Variants in ANKH observed in about 807,000 individuals in gnomAD.
The protein encoded by ANKH is mineralization regulator ANKH.
A neutral mutation model predicts 49.0 loss-of-function variants in ANKH; 15 were observed. The observed-to-expected ratio is 0.31, with a 90% CI of 0.20 to 0.47. The LOEUF is 0.47. Among genes scored for constraint, ANKH ranks in the 20% least tolerant of loss-of-function variants. ANKH has a pLI of 1.00. For missense variants in ANKH, 429 were observed against 652.0 expected (o/e 0.66, Z 3.72); for synonymous variants, 273 against 260.0 (o/e 1.05, Z -0.48).
At chr5:14,718,414 GAA>G (rs941286754) in intron 8 of ANKH, among the ~76,000 whole-genome samples, 2 of 151,130 alleles carry the variant, frequency 1.3e-5, no homozygotes. Context: ...AGATAATACA[GAA>G]AGAGAGAAGG....
intron 1 of ANKH, among the ~76,000 whole-genome samples, chr5:14,773,353 CTTTTTTTT>C (rs71603741): frequency 7.7e-4 from 59 of 77,002 alleles, no homozygotes; most frequent in Admixed American, 3.8e-3. Flanking sequence ...GCAAAGCATT[CTTTTTTTT>C]TTTTTTTTTT....
chr5:14,797,700 G>A, intron 1 of ANKH: 2 of 1,600,750 alleles, frequency 1.2e-6, no homozygotes, highest in Admixed American at 1.7e-5. Flanking sequence ...TAGATGCCAG[G>A]AAACATCTTC....
chr5:14,723,880 C>T (rs572741797), intron 8 of ANKH, among the ~76,000 whole-genome samples: 1 of 152,280 alleles, frequency 6.6e-6, no homozygotes, highest in South Asian at 2.1e-4. Flanking sequence ...TCATATTAAC[C>T]TCTTTAGAAA....
At chr5:14,803,735 G>C (rs141743865) in intron 1 of ANKH, among the ~76,000 whole-genome samples, 9 of 152,278 alleles carry the variant, frequency 5.9e-5, no homozygotes, top group Non-Finnish European at 1.0e-4. Flanking sequence ...CTCCAGCCAA[G>C]TGCTCTTTCC....
intron 1 of ANKH, among the ~76,000 whole-genome samples, chr5:14,775,639 G>A (rs1010746167): frequency 6.6e-6 from 1 of 152,158 alleles, no homozygotes; most frequent in African/African-American, 2.4e-5. Flanking sequence ...CCAAGAGTGA[G>A]CCAGGTGCAT....
chr5:14,860,371 T>G (rs2126630879), intron 1 of ANKH, among the ~76,000 whole-genome samples: 1 of 152,322 alleles, frequency 6.6e-6, no homozygotes, highest in East Asian at 1.9e-4. Flanking sequence ...TGCCTCCTTA[T>G]TAAGTGTGGT....
chr5:14,798,257 C>T (rs1366760262), intron 1 of ANKH: 5 of 1,605,270 alleles, frequency 3.1e-6, no homozygotes, highest in Non-Finnish European at 4.3e-6. Context: ...CTGGAAGCCA[C>T]TGGGCAGTTA....
At chr5:14,744,929 G>C (rs1181819882) in intron 7 of ANKH, among the ~76,000 whole-genome samples, 1 of 152,206 alleles carries the variant, frequency 6.6e-6, no homozygotes, top group Non-Finnish European at 1.5e-5. Flanking sequence ...CCGGCGGTGG[G>C]GGAAAGAGGG....
At chr5:14,846,754 G>A (rs917654587) in intron 1 of ANKH, among the ~76,000 whole-genome samples, 1 of 152,178 alleles carries the variant, frequency 6.6e-6, no homozygotes, top group South Asian at 2.1e-4. Context: ...TATTTTGGGA[G>A]GCTGAGGCGG....
At chr5:14,797,888 C>A in intron 1 of ANKH, 1 of 1,612,134 alleles carries the variant, frequency 6.2e-7, no homozygotes, top group Admixed American at 1.7e-5. Flanking sequence ...CACGGAGACG[C>A]AAGTCTGGGT....
In ANKH at chr5:14,707,392, CAGA is replaced by C. The variant is rs1736981667; in HGVS notation, c.*3802_*3804del. On this transcript the variant is annotated 3_prime_UTR_variant, in exon 12 of 12. Coordinates refer to ENST00000284268, the MANE Select transcript of ANKH (RefSeq NM_054027.6). ...TTACTCTCCCCCTGCCCCTTCCCTC[CAGA>C]AGATCCCCAAATGGGGAACAAGTAA... The C allele has an allele frequency of 6.6e-6, 1 of 152,192 alleles. No individual in the cohort carries two copies. The highest frequency in any genetic ancestry group is 1.5e-5 in the Non-Finnish European group (1 of 68,044). The allele number at this position is 152,192 out of a possible 1,614,324, so 9.4% of individuals were successfully genotyped here.
intron 8 of ANKH, among the ~76,000 whole-genome samples, chr5:14,727,537 T>G (rs76935595): frequency 0.011 from 1,674 of 151,912 alleles, 36 homozygotes; most frequent in African/African-American, 0.039. Context: ...GGGGGCGCCA[T>G]GCGCCAAGCC....
chr5:14,730,214 A>G (rs1737951409), intron 8 of ANKH, among the ~76,000 whole-genome samples: 1 of 152,136 alleles, frequency 6.6e-6, no homozygotes, highest in African/African-American at 2.4e-5. Context: ...CTCCCGGACA[A>G]AGTTTCTCCC....
At chr5:14,715,877 A>C (rs1580001205) in intron 9 of ANKH, among the ~76,000 whole-genome samples, 1 of 152,362 alleles carries the variant, frequency 6.6e-6, no homozygotes, top group East Asian at 1.9e-4. Context: ...CTTTTGTCTC[A>C]GCCATGGGCA....
chr5:14,849,388 T>C (rs1371419559), intron 1 of ANKH, among the ~76,000 whole-genome samples: 1 of 152,212 alleles, frequency 6.6e-6, no homozygotes, highest in East Asian at 1.9e-4. Context: ...GTTAGCTGTA[T>C]ACATGTATTC....
intron 1 of ANKH, among the ~76,000 whole-genome samples, chr5:14,850,680 T>A (rs1447704302): frequency 1.3e-5 from 2 of 152,260 alleles, no homozygotes; most frequent in Non-Finnish European, 2.9e-5. Flanking sequence ...CTCCTGGAGC[T>A]GGCTGCTGTG....
intron 8 of ANKH, among the ~76,000 whole-genome samples, chr5:14,728,733 C>T (rs756734522): frequency 3.9e-5 from 6 of 152,154 alleles, no homozygotes; most frequent in East Asian, 1.9e-4. Flanking sequence ...TAACATGGAA[C>T]GCAGGGCCAG....
intron 4 of ANKH, among the ~76,000 whole-genome samples, chr5:14,754,141 T>C (rs755995307): frequency 5.3e-5 from 8 of 152,202 alleles, no homozygotes; most frequent in Non-Finnish European, 1.2e-4. Context: ...TGAACTCGGC[T>C]TCCACGCTCC....
chr5:14,741,996 G>C (rs1328860491), intron 7 of ANKH, 74 bp from the exon 8 acceptor site: 1 of 1,144,936 alleles, frequency 8.7e-7, no homozygotes, highest in Non-Finnish European at 1.3e-6. Flanking sequence ...ATCTTGAAGA[G>C]CATCTTGCTT....
Sources: allele counts gnomAD v4.1 joint callset (sites outside exome capture counted in the v4.1 genomes callset), GRCh38; gene constraint gnomAD v4.1.1; transcripts MANE v1.5; gene names NCBI Gene and HGNC (gene_info 2026-07-23, HGNC 2026-07-21).